The following GPRIN3 variants were observed in gnomAD, a reference collection of about 807,000 sequenced individuals.
GPRIN3 encodes GPRIN family member 3, also known as G protein-regulated inducer of neurite outgrowth 3.
A neutral mutation model predicts 13.7 loss-of-function variants in GPRIN3; 12 were observed. The ratio of observed to expected loss-of-function variants is 0.87; its 90% CI spans 0.56 to 1.42. GPRIN3 has a LOEUF of 1.42. Ranked by LOEUF, GPRIN3 falls within the 40% of genes most tolerant of loss-of-function variation. The probability of loss-of-function intolerance (pLI) is 0.00; values close to 1 mark genes in which losing one functional copy is unlikely to be tolerated. For synonymous variants in GPRIN3, 377 were observed against 372.7 expected (o/e 1.01, Z -0.13); for missense variants, 1,009 against 958.7 (o/e 1.05, Z -0.69).
intron 1 of GPRIN3, among the ~76,000 whole-genome samples, chr4:89,301,550 A>G (rs1724898117): frequency 6.6e-6 from 1 of 152,222 alleles, no homozygotes; most frequent in Non-Finnish European, 1.5e-5. Flanking sequence ...AAAGTTATAC[A>G]TTATAAAGAA....
chr4:89,296,460 T>A (rs1179303224), intron 1 of GPRIN3, among the ~76,000 whole-genome samples: 2 of 152,230 alleles, frequency 1.3e-5, no homozygotes, highest in Admixed American at 1.3e-4. Flanking sequence ...GGATTACCTT[T>A]TTTTTTCTTA....
Position 89,248,607 on chromosome 4 carries a change from C to T in GPRIN3, c.1504G>A (p.Gly502Ser), listed in dbSNP as rs772250385. The change falls in exon 2 of 2, where the codon GGC becomes AGC. Residue 502 changes from glycine to serine, a missense_variant. By Grantham distance (56) the Gly-to-Ser change is moderately conservative. Transcript: ENST00000609438. ...TTGCAATCTGGGTCTGTTTTGTGGCCGTTTGTCGTTTTCTCTGCAAACTCA... is the reference window on the plus strand; with the variant it reads ...TTGCAATCTGGGTCTGTTTTGTGGCTGTTTGTCGTTTTCTCTGCAAACTCA... ...PSEFAEKTTN[G>S]HKTDPDCKLS... 1.2e-5 allele frequency: 19 copies of T among 1,613,970 alleles called. No individual in the cohort carries two copies. The Admixed American group carries it at 2.5e-4, about 21-fold the overall frequency.
In GPRIN3 at chr4:89,249,658, A is replaced by C; in HGVS notation, c.453T>G (p.Pro151=). The C allele has an allele frequency of 1.2e-6, 2 of 1,614,174 alleles. No individual in the cohort carries two copies. The highest frequency in any genetic ancestry group is 1.7e-6 in the Non-Finnish European group (2 of 1,180,024). ...TCTGTGATCTCATCAGGGAATCTTC[A>C]GGCATGGATGAGGTGATGGCATTGG... The part of the protein sequence containing the change: ...DQPNAITSSM[P]EDSLMRSQRT... Residue 151 remains proline (P), a synonymous_variant, in exon 2 of 2, where the codon CCT becomes CCG. Coordinates refer to ENST00000609438, the MANE Select transcript of GPRIN3 (RefSeq NM_198281.3).
rs184085173 is a variant in GPRIN3 at position 89,298,148 on chromosome 4, G to A, written c.-124+9467C>T. Among the ~76,000 whole-genome samples, 63 of 152,182 alleles carry A rather than the reference G, an allele frequency of 4.1e-4. 1 individual carries two copies. Among genetic ancestry groups the A allele is most frequent in the Middle Eastern group, 6.8e-3 (2 of 294 alleles). On this transcript the variant is annotated intron_variant, in intron 1 of 1. Transcript: ENST00000609438. Reference sequence around the variant, plus strand: ...TATCCTCATGAGAAAGAAATTTCTCGTAGTACACATACCAGCAGACTCTTG... The same window carrying A: ...TATCCTCATGAGAAAGAAATTTCTCATAGTACACATACCAGCAGACTCTTG...
At chr4:89,303,198 T>C (rs1466255600) in intron 1 of GPRIN3, among the ~76,000 whole-genome samples, 1 of 152,236 alleles carries the variant, frequency 6.6e-6, no homozygotes, top group Admixed American at 6.5e-5. Context: ...GGACAAGTCA[T>C]AGAGCAACTG....
intron 1 of GPRIN3, among the ~76,000 whole-genome samples, chr4:89,253,031 A>AAAC (rs1178131809): frequency 6.6e-6 from 1 of 150,750 alleles, no homozygotes; most frequent in African/African-American, 2.5e-5. Flanking sequence ...AAAAAAAAAA[A>AAAC]ACAACTCCTA....
intron 1 of GPRIN3, among the ~76,000 whole-genome samples, chr4:89,256,837 G>C (rs1043207533): frequency 3.9e-5 from 6 of 152,132 alleles, no homozygotes; most frequent in African/African-American, 7.2e-5. Context: ...CTCAAGAAAA[G>C]AGTAAAGAAA....
At chr4:89,282,374 C>T (rs1249550333) in intron 1 of GPRIN3, among the ~76,000 whole-genome samples, 1 of 152,128 alleles carries the variant, frequency 6.6e-6, no homozygotes, top group Non-Finnish European at 1.5e-5. Context: ...ATGTTTCCAA[C>T]ATGCCTTGTT....
At position 89,242,734 on chromosome 4, in the gene GPRIN3, C is replaced by G. The variant is rs945150575; in HGVS notation, c.*5046G>C. 3 of 152,094 alleles carry G rather than the reference C, an allele frequency of 2.0e-5. No individual in the cohort carries two copies. The highest frequency in any genetic ancestry group is 4.4e-5 in the Non-Finnish European group (3 of 68,030). The allele number at this position is 152,094 out of a possible 1,614,324, so 9.4% of individuals were successfully genotyped here. On this transcript the variant is annotated 3_prime_UTR_variant, in exon 2 of 2. Coordinates refer to ENST00000609438, the MANE Select transcript of GPRIN3 (RefSeq NM_198281.3). ...ACTGCCTCTTTTTGGCACATTATTG[C>G]TTGGCTTTAATTTCATATTCAACAG...
At chr4:89,260,165 C>T (rs1723585782) in intron 1 of GPRIN3, among the ~76,000 whole-genome samples, 1 of 152,146 alleles carries the variant, frequency 6.6e-6, no homozygotes, top group Non-Finnish European at 1.5e-5. Context: ...AATATTTATA[C>T]AGTGAGGAAT....
intron 1 of GPRIN3, among the ~76,000 whole-genome samples, chr4:89,270,713 C>A (rs112099838): frequency 2.7e-5 from 4 of 150,632 alleles, no homozygotes; most frequent in African/African-American, 9.8e-5. Context: ...TAATTCTTTT[C>A]GTATTTGAAG....
intron 1 of GPRIN3, among the ~76,000 whole-genome samples, chr4:89,294,035 G>T (rs1724664156): frequency 6.6e-6 from 1 of 152,122 alleles, no homozygotes. Flanking sequence ...ATAGGGACTT[G>T]GAATATGCTC....
intron 1 of GPRIN3, among the ~76,000 whole-genome samples, chr4:89,292,065 T>C (rs765204360): frequency 6.6e-6 from 1 of 152,138 alleles, no homozygotes; most frequent in Non-Finnish European, 1.5e-5. Flanking sequence ...TGCCACCCCA[T>C]CCCAAGTGCA....
intron 1 of GPRIN3, among the ~76,000 whole-genome samples, chr4:89,258,629 G>T (rs1723546654): frequency 6.6e-6 from 1 of 152,214 alleles, no homozygotes; most frequent in African/African-American, 2.4e-5. Context: ...AGCAAGGCCT[G>T]TTCCTTTGAC....
chr4:89,245,602 C>G lies in GPRIN3; in HGVS notation c.*2178G>C, dbSNP rs767301757. ...TAGCCACTTTACAGCAGAGGATTACCTGGGGCCACCCATCTGGAGTAGGCC... is the reference window on the plus strand; with the variant it reads ...TAGCCACTTTACAGCAGAGGATTACGTGGGGCCACCCATCTGGAGTAGGCC... On this transcript the variant is annotated 3_prime_UTR_variant, in exon 2 of 2. Coordinates refer to ENST00000609438, the MANE Select transcript of GPRIN3 (RefSeq NM_198281.3). 2 of 152,206 alleles carry G rather than the reference C, an allele frequency of 1.3e-5. No homozygotes were observed. The highest frequency in any genetic ancestry group is 2.4e-5 in the African/African-American group (1 of 41,446). 9.4% of individuals were successfully genotyped at this position (152,206 alleles called of 1,614,324 possible).
chr4:89,300,701 T>C (rs1455708789), intron 1 of GPRIN3, among the ~76,000 whole-genome samples: 2 of 152,124 alleles, frequency 1.3e-5, no homozygotes, highest in Non-Finnish European at 2.9e-5. Context: ...GCATTTTCAC[T>C]CACTTAATCA....
intron 1 of GPRIN3, among the ~76,000 whole-genome samples, chr4:89,284,763 C>A (rs1378294828): frequency 1.3e-5 from 2 of 152,106 alleles, no homozygotes; most frequent in Non-Finnish European, 2.9e-5. Context: ...CCATTCCTTG[C>A]CTTTAGCTTT....
At chr4:89,258,718 C>T (rs1354235612) in intron 1 of GPRIN3, among the ~76,000 whole-genome samples, 2 of 152,156 alleles carry the variant, frequency 1.3e-5, no homozygotes, top group Non-Finnish European at 2.9e-5. Flanking sequence ...GAGAAAGGGG[C>T]GTGAGAGTCC....
chr4:89,258,724 A>G (rs1187167960), intron 1 of GPRIN3, among the ~76,000 whole-genome samples: 1 of 152,192 alleles, frequency 6.6e-6, no homozygotes, highest in Non-Finnish European at 1.5e-5. Flanking sequence ...GGGGCGTGAG[A>G]GTCCTTCCTG....
Sources: allele counts gnomAD v4.1 joint callset (sites outside exome capture counted in the v4.1 genomes callset), GRCh38; gene constraint gnomAD v4.1.1; transcripts MANE v1.5; gene names NCBI Gene and HGNC (gene_info 2026-07-23, HGNC 2026-07-21).